Variants in APC observed in about 807,000 individuals in gnomAD.
The protein encoded by APC is APC regulator of Wnt signaling pathway.
APC carries 72 observed loss-of-function variants against 247.0 expected under a neutral mutation model. The ratio of observed to expected loss-of-function variants is 0.29; its 90% CI spans 0.24 to 0.35. The LOEUF (loss-of-function observed/expected upper bound fraction) is 0.35, where lower values mean the gene tolerates loss of function less well. Ranked by LOEUF, APC falls within the 10% of genes least tolerant of loss-of-function variation. The probability of loss-of-function intolerance (pLI) is 1.00; values close to 1 mark genes in which losing one functional copy is unlikely to be tolerated. For synonymous variants in APC, 1,254 were observed against 1,162.5 expected, an observed-to-expected ratio of 1.08 and a Z score of -1.60; for missense variants, 3,400 against 3,360.7, an observed-to-expected ratio of 1.01 and a Z score of -0.29.
At chr5:112,768,671 C>G (rs974445923) in intron 4 of APC, among the ~76,000 whole-genome samples, 2 of 152,158 alleles carry the variant, frequency 1.3e-5, no homozygotes, top group Non-Finnish European at 2.9e-5. Context: ...TGTCTACCAT[C>G]TAGCTATTTG....
chr5:112,776,903 G>A (rs11951744), intron 5 of APC, among the ~76,000 whole-genome samples: 3,590 of 152,046 alleles, frequency 0.024, 147 homozygotes, highest in African/African-American at 0.082. Context: ...ATCTTTAAGT[G>A]TCCATTTAAC....
intron 6 of APC, among the ~76,000 whole-genome samples, chr5:112,791,473 G>T (rs1044822794): frequency 2.0e-5 from 3 of 152,160 alleles, no homozygotes; most frequent in Non-Finnish European, 4.4e-5. Context: ...GCCACCATCA[G>T]TGGCTGCATT....
At chr5:112,752,973 C>G (rs971135953) in intron 1 of APC, among the ~76,000 whole-genome samples, 1 of 152,028 alleles carries the variant, frequency 6.6e-6, no homozygotes, top group Admixed American at 6.6e-5. Context: ...CCATCCGGCT[C>G]TTTTTGTGGT....
chr5:112,790,377 G>A (rs1244965060), intron 6 of APC, among the ~76,000 whole-genome samples: 1 of 152,138 alleles, frequency 6.6e-6, no homozygotes, highest in Non-Finnish European at 1.5e-5. Context: ...CCAGGCTGGA[G>A]TGCTGTAGCA....
chr5:112,781,512 G>A (rs1468151026), intron 6 of APC, among the ~76,000 whole-genome samples: 1 of 152,138 alleles, frequency 6.6e-6, no homozygotes, highest in African/African-American at 2.4e-5. Context: ...TGCCTTATCT[G>A]TTTCAAAACT....
intron 2 of APC, among the ~76,000 whole-genome samples, chr5:112,763,446 T>TA (rs1755896567): frequency 6.6e-6 from 1 of 152,064 alleles, no homozygotes; most frequent in Non-Finnish European, 1.5e-5. Context: ...TAGGTACAGC[T>TA]AAAAAATGCT....
intron 8 of APC, among the ~76,000 whole-genome samples, chr5:112,809,615 A>G (rs1251132922): frequency 1.3e-5 from 2 of 151,588 alleles, no homozygotes; most frequent in East Asian, 1.9e-4. Context: ...AAAAAAAAAA[A>G]GTTCATTGCT....
chr5:112,713,854 C>T (rs554718132), intron 1 of APC, among the ~76,000 whole-genome samples: 14 of 152,236 alleles, frequency 9.2e-5, no homozygotes, highest in East Asian at 3.9e-4. Flanking sequence ...GACAGGGTTT[C>T]GCAATGTTGG....
In APC at chr5:112,842,364, C is replaced by T. The variant is rs762330941; in HGVS notation, c.6770C>T (p.Ala2257Val). ...AAAGGCCCACCCCTTAAGACTCCAG[C>T]CTCCAAAAGCCCTAGTGAAGGTCAA... ...SKKGPPLKTPASKSPSEGQTA... is the reference protein window; with the variant it reads ...SKKGPPLKTPVSKSPSEGQTA... The change falls in exon 16 of 16, where the codon GCC (alanine) becomes GTC (valine). Residue 2257 changes from alanine (A) to valine (V), a missense_variant. Coordinates refer to ENST00000257430, the MANE Select transcript of APC (RefSeq NM_000038.6). 6 of 1,614,042 alleles carry T rather than the reference C, an allele frequency of 3.7e-6. No homozygotes were observed. In the South Asian group the frequency reaches 6.6e-5, roughly 18 times the overall value.
At chr5:112,787,914 T>C (rs1759146662) in intron 6 of APC, among the ~76,000 whole-genome samples, 1 of 152,198 alleles carries the variant, frequency 6.6e-6, no homozygotes, top group Admixed American at 6.5e-5. Flanking sequence ...CTAACTTATA[T>C]GTATATTACT....
chr5:112,746,049 A>G (rs1753635118), intron 1 of APC, among the ~76,000 whole-genome samples: 1 of 152,208 alleles, frequency 6.6e-6, no homozygotes, highest in Admixed American at 6.5e-5. Context: ...AGGCAAACAG[A>G]ACATCAGTGA....
rs769814905 is a variant in APC, at chr5:112,838,776, A to G, written c.3182A>G (p.Lys1061Arg). Residue 1061 changes from lysine to arginine, a missense_variant, in exon 16 of 16, where the codon AAA (lysine) becomes AGA (arginine). Lys to Arg is a conservative substitution (Grantham distance 26, BLOSUM62 2). This residue lies in a region of APC where 715 missense variants were observed against 656.6 expected (regional missense o/e 1.09). Coordinates refer to ENST00000257430, the MANE Select transcript of APC (RefSeq NM_000038.6). ...AAACACATAATAGAAGATGAAATAA[A>G]ACAAAGTGAGCAAAGACAATCAAGG... is the stretch of plus-strand genomic sequence containing the variant. ...RPKHIIEDEI[K>R]QSEQRQSRNQ... 31 of 1,614,174 alleles carry G rather than the reference A, an allele frequency of 1.9e-5. No individual in the cohort carries two copies. Among genetic ancestry groups the G allele is most frequent in the Non-Finnish European group, 2.6e-5 (31 of 1,180,012 alleles).
chr5:112,768,717 G>GGTAGCGTAGAACACAGCCCTGTACA (rs1328104755), intron 4 of APC, among the ~76,000 whole-genome samples: 1 of 151,524 alleles, frequency 6.6e-6, no homozygotes, highest in Non-Finnish European at 1.5e-5. Context: ...CTCATCCTAT[G>GGTAGCGTAGAACACAGCCCTGTACA]GTAGCGTAGA....
chr5:112,730,837 G>C (rs1752063078), intron 1 of APC, among the ~76,000 whole-genome samples: 1 of 151,972 alleles, frequency 6.6e-6, no homozygotes, highest in Non-Finnish European at 1.5e-5. Flanking sequence ...GAACCTAGAA[G>C]TACTTAACTT....
chr5:112,811,913 C>G (rs1183012060), intron 8 of APC, among the ~76,000 whole-genome samples: 1 of 152,178 alleles, frequency 6.6e-6, no homozygotes, highest in Non-Finnish European at 1.5e-5. Flanking sequence ...TTGCAGTCAT[C>G]TCCACACATA....
chr5:112,786,170 C>T (rs866631015), intron 6 of APC, among the ~76,000 whole-genome samples: 2 of 152,152 alleles, frequency 1.3e-5, no homozygotes, highest in East Asian at 3.9e-4. Flanking sequence ...TCATAATACA[C>T]TACAGCCTCA....
At position 112,749,936 on chromosome 5, in the gene APC, T is replaced by G. The variant is rs551724237; in HGVS notation, c.-18-4937T>G. Among the ~76,000 whole-genome samples, 256 of 151,464 alleles carry G rather than the reference T, an allele frequency of 1.7e-3. 1 individual carries two copies. The highest frequency in any genetic ancestry group is 6.0e-3 in the African/African-American group (249 of 41,326). On this transcript the variant is annotated intron_variant, in intron 1 of 15. Transcript: ENST00000257430. Reference sequence around the variant, plus strand: ...GTTTTTTTTTTTTTAAATCCAACTTTTGGATGGTTTTCTTTTTCTCTTTTT... The same window carrying G: ...GTTTTTTTTTTTTTAAATCCAACTTGTGGATGGTTTTCTTTTTCTCTTTTT...
At position 112,842,273 on chromosome 5, in the gene APC, G is replaced by T. The variant is rs367905430; in HGVS notation, c.6679G>T (p.Gly2227Cys). 9.7e-5 allele frequency: 157 copies of T among 1,613,866 alleles called. No individual in the cohort carries two copies. Among genetic ancestry groups the T allele is most frequent in the Non-Finnish European group, 1.2e-4 (143 of 1,179,944 alleles). ...LQANMPSISR[G>C]RTMIHIPGVR... ...AGCAAACATGCCTTCAATCTCTCGA[G>T]GCAGGACAATGATTCATATTCCAGG... The change falls in exon 16 of 16, where the codon GGC becomes TGC. Residue 2227 changes from glycine to cysteine, a missense_variant. Physicochemically the swap from Gly to Cys is radical, Grantham distance 159. Around this residue, in one of 9 missense-constraint regions of APC, gnomAD observed 1,788 missense variants for 1,649.5 expected, o/e 1.08. Transcript: ENST00000257430.
At chr5:112,770,779 G>C (rs1756948824) in intron 4 of APC, among the ~76,000 whole-genome samples, 1 of 152,018 alleles carries the variant, frequency 6.6e-6, no homozygotes. Flanking sequence ...ATGAAGATTT[G>C]TTAAATTCAC....
Sources: allele counts gnomAD v4.1 joint callset (sites outside exome capture counted in the v4.1 genomes callset), GRCh38; gene constraint gnomAD v4.1.1; regional missense constraint gnomAD v4.1.1; transcripts MANE v1.5; gene names NCBI Gene and HGNC (gene_info 2026-07-23, HGNC 2026-07-21).